ERBB4: variants seen among roughly 807,000 people sequenced by gnomAD.
The protein encoded by ERBB4 is erb-b2 receptor tyrosine kinase 4.
In ERBB4, 42 loss-of-function variants were observed where a neutral mutation model predicts 158.0. The ratio of observed to expected loss-of-function variants is 0.27; its 90% confidence interval spans 0.21 to 0.34. ERBB4 has a LOEUF of 0.34. Among genes scored for constraint, ERBB4 ranks in the 10% least tolerant of loss-of-function variants. The pLI is 1.00. For missense variants in ERBB4, 1,333 were observed against 1,624.1 expected, an observed-to-expected ratio of 0.82 and a Z score of 3.08; for synonymous variants, 583 against 558.7, an observed-to-expected ratio of 1.04 and a Z score of -0.61.
intron 3 of ERBB4, among the ~76,000 whole-genome samples, chr2:211,843,279 G>A (rs1040531952): frequency 1.3e-5 from 2 of 152,096 alleles, no homozygotes; most frequent in African/African-American, 4.8e-5. Flanking sequence ...TAAAAAGTCA[G>A]CTTTCATATT....
intron 2 of ERBB4, among the ~76,000 whole-genome samples, chr2:212,111,260 A>G (rs983092023): frequency 1.3e-5 from 2 of 152,190 alleles, no homozygotes; most frequent in African/African-American, 4.8e-5. Context: ...ATTATTGAAT[A>G]CATCTCTGCC....
At chr2:212,235,583 G>A (rs1028182112) in intron 1 of ERBB4, among the ~76,000 whole-genome samples, 5 of 152,118 alleles carry the variant, frequency 3.3e-5, no homozygotes, top group African/African-American at 1.2e-4. Flanking sequence ...TCAGGATATT[G>A]ATTTTTCCTA....
intron 3 of ERBB4, among the ~76,000 whole-genome samples, chr2:211,810,223 G>C (rs2076717477): frequency 6.6e-6 from 1 of 152,206 alleles, no homozygotes; most frequent in Non-Finnish European, 1.5e-5. Flanking sequence ...GTGCAGAGCT[G>C]AGTTCATGTC....
intron 2 of ERBB4, among the ~76,000 whole-genome samples, chr2:212,059,322 C>G (rs564216652): frequency 1.3e-5 from 2 of 152,282 alleles, no homozygotes; most frequent in East Asian, 3.9e-4. Context: ...ACATTCCATT[C>G]TCATGGATAG....
At position 212,063,676 on chromosome 2, in the gene ERBB4, G is replaced by A. The variant is rs554682619; in HGVS notation, c.234+61076C>T. Among the ~76,000 whole-genome samples the A allele has an allele frequency of 3.9e-5, 6 of 151,970 alleles. No individual in the cohort carries two copies. The South Asian group carries it at 6.3e-4, about 16-fold the overall frequency. On this transcript the variant is annotated intron_variant, in intron 2 of 27. Coordinates refer to ENST00000342788, the MANE Select transcript of ERBB4 (RefSeq NM_005235.3). Reference sequence around the variant, plus strand: ...AAATTTAGGGATGGCAAAAACAAACGTAAAAATTAAAACAAAACCTAATAA... The same window carrying A: ...AAATTTAGGGATGGCAAAAACAAACATAAAAATTAAAACAAAACCTAATAA...
intron 1 of ERBB4, among the ~76,000 whole-genome samples, chr2:212,253,063 A>G (rs948851013): frequency 6.6e-6 from 1 of 152,138 alleles, no homozygotes; most frequent in Non-Finnish European, 1.5e-5. Flanking sequence ...TATATATTAC[A>G]TGCTTCATTA....
Position 212,267,597 on chromosome 2 carries a change from C to CTTTTTTTTTTT in ERBB4, c.83-142705_83-142695dup, listed in dbSNP as rs5838314. ...TCCCTAAAAATCATAGTTCTCATTT[C>CTTTTTTTTTTT]TTTTTTTTTTTTTTATTATACTTTA... On this transcript the variant is annotated intron_variant, in intron 1 of 27. Transcript: ENST00000342788. 1.3e-4 allele frequency among the ~76,000 whole-genome samples: 6 copies of CTTTTTTTTTTT among 47,612 alleles called. 1 individual carries two copies. Among genetic ancestry groups the CTTTTTTTTTTT allele is most frequent in the African/African-American group, 2.0e-4 (3 of 15,314 alleles). The allele number at this position is 47,612 out of a possible 152,430, so 31.2% of individuals were successfully genotyped here.
At chr2:211,617,381 T>C (rs1432030766) in intron 19 of ERBB4, among the ~76,000 whole-genome samples, 3 of 152,128 alleles carry the variant, frequency 2.0e-5, no homozygotes, top group Non-Finnish European at 2.9e-5. Flanking sequence ...CAAGATCAAA[T>C]TGAATAATTG....
At chr2:212,205,726 T>C (rs7608095) in intron 1 of ERBB4, among the ~76,000 whole-genome samples, 98,077 of 151,950 alleles carry the variant, frequency 0.65, 32,029 homozygotes, top group East Asian at 0.81. Flanking sequence ...GAGGGTCTTA[T>C]AGAAATAAGT....
At chr2:211,520,016 T>G (rs888045534) in intron 20 of ERBB4, among the ~76,000 whole-genome samples, 1 of 152,190 alleles carries the variant, frequency 6.6e-6, no homozygotes, top group Non-Finnish European at 1.5e-5. Flanking sequence ...AAGCCTTTAA[T>G]ATACTGCTAT....
intron 19 of ERBB4, among the ~76,000 whole-genome samples, chr2:211,607,249 T>G (rs1027640762): frequency 6.6e-6 from 1 of 152,178 alleles, no homozygotes; most frequent in African/African-American, 2.4e-5. Context: ...ATGTTTCATT[T>G]TCATTTTCCC....
At chr2:211,690,067 A>G (rs2072740354) in intron 12 of ERBB4, among the ~76,000 whole-genome samples, 1 of 148,428 alleles carries the variant, frequency 6.7e-6, no homozygotes, top group African/African-American at 2.4e-5. Flanking sequence ...AATGTAATAT[A>G]TATTATGTAT....
intron 3 of ERBB4, among the ~76,000 whole-genome samples, chr2:211,918,713 T>C (rs2079771717): frequency 6.6e-6 from 1 of 152,130 alleles, no homozygotes; most frequent in Non-Finnish European, 1.5e-5. Context: ...GATATGTCTG[T>C]CGCTTCCAGG....
At chr2:211,878,649 TAA>T (rs2078575151) in intron 3 of ERBB4, among the ~76,000 whole-genome samples, 1 of 106,788 alleles carries the variant, frequency 9.4e-6, no homozygotes, top group South Asian at 3.5e-4. Context: ...TAAGACAAAT[TAA>T]GTTTTGTTTT....
At chr2:211,883,749 G>T (rs1007468971) in intron 3 of ERBB4, among the ~76,000 whole-genome samples, 4 of 152,086 alleles carry the variant, frequency 2.6e-5, no homozygotes, top group Non-Finnish European at 4.4e-5. Context: ...GCAAGTTCGT[G>T]CCACTGCACT....
intron 1 of ERBB4, among the ~76,000 whole-genome samples, chr2:212,189,081 TTG>T (rs377081193): frequency 0.07 from 8,414 of 120,982 alleles, 573 homozygotes; most frequent in African/African-American, 0.15. Flanking sequence ...AACTTTTTTT[TTG>T]GGGGGGGGGG....
intron 1 of ERBB4, among the ~76,000 whole-genome samples, chr2:212,183,245 T>G (rs2081926540): frequency 6.6e-6 from 1 of 151,806 alleles, no homozygotes; most frequent in Admixed American, 6.6e-5. Context: ...TAATAAAAAA[T>G]AAAAAAGAAA....
intron 1 of ERBB4, among the ~76,000 whole-genome samples, chr2:212,231,254 G>C (rs1356727166): frequency 6.6e-6 from 1 of 151,698 alleles, no homozygotes; most frequent in Non-Finnish European, 1.5e-5. Flanking sequence ...CAAAAATCCA[G>C]TCATCTCAAA....
At chr2:211,432,721 T>A (rs1253822973) in intron 20 of ERBB4, among the ~76,000 whole-genome samples, 1 of 152,190 alleles carries the variant, frequency 6.6e-6, no homozygotes, top group Non-Finnish European at 1.5e-5. Flanking sequence ...TTCTCTTTCT[T>A]ATCACCTTCA....
Sources: allele counts gnomAD v4.1 joint callset (sites outside exome capture counted in the v4.1 genomes callset), GRCh38; gene constraint gnomAD v4.1.1; transcripts MANE v1.5; gene names NCBI Gene and HGNC (gene_info 2026-07-23, HGNC 2026-07-21).